The following PUS1 variants were observed in gnomAD, a reference collection of about 807,000 sequenced individuals.
The protein encoded by PUS1 is pseudouridylate synthase 1 homolog.
PUS1 carries 25 observed loss-of-function variants against 38.5 expected under a neutral mutation model. The ratio of observed to expected loss-of-function variants is 0.65; its 90% CI spans 0.47 to 0.91. The LOEUF (loss-of-function observed/expected upper bound fraction) is 0.91, where lower values mean the gene tolerates loss of function less well. Among genes scored for constraint, PUS1 ranks in the 40% least tolerant of loss-of-function variants. The probability of loss-of-function intolerance (pLI) is 0.00; values close to 1 mark genes in which losing one functional copy is unlikely to be tolerated. For synonymous variants in PUS1, 282 were observed against 260.4 expected, an observed-to-expected ratio of 1.08 and a Z score of -0.80; for missense variants, 597 against 612.3, an observed-to-expected ratio of 0.97 and a Z score of 0.26.
intron 3 of PUS1, among the ~76,000 whole-genome samples, chr12:131,934,328 G>C (rs933586929): frequency 1.3e-5 from 2 of 152,164 alleles, no homozygotes; most frequent in Non-Finnish European, 2.9e-5. Context: ...GACTCCCTTT[G>C]CCGGTCTGTG....
chr12:131,933,847 G>T (rs1486281269), intron 3 of PUS1, among the ~76,000 whole-genome samples: 1 of 152,188 alleles, frequency 6.6e-6, no homozygotes, highest in Non-Finnish European at 1.5e-5. Flanking sequence ...AGACAGCTGG[G>T]TCCAGGGGAC....
rs1181377855 is a variant in PUS1, at chr12:131,932,557, T to A, written c.441+245T>A. On this transcript the variant is annotated intron_variant, in intron 3 of 5. Transcript: ENST00000376649. ...GGTCTTTGCTTTCTCTTGTGTTGAT[T>A]CTGTTCTCAGGGACACACATTCTTG... is the stretch of plus-strand genomic sequence containing the variant. 15 of 587,512 alleles carry A rather than the reference T, an allele frequency of 2.6e-5. No individual in the cohort carries two copies. In the Admixed American group the frequency reaches 3.8e-4, roughly 15 times the overall value. The allele number at this position is 587,512 out of a possible 1,614,324, so 36.4% of individuals were successfully genotyped here.
intron 3 of PUS1, among the ~76,000 whole-genome samples, chr12:131,933,743 G>C (rs1394266535): frequency 6.6e-6 from 1 of 152,214 alleles, no homozygotes; most frequent in African/African-American, 2.4e-5. Context: ...CCCAGTGTAG[G>C]GTCCAGCCCT....
intron 3 of PUS1, among the ~76,000 whole-genome samples, chr12:131,934,487 T>C (rs1180675974): frequency 1.3e-5 from 2 of 152,222 alleles, no homozygotes; most frequent in Non-Finnish European, 2.9e-5. Context: ...ATGGCCTGAT[T>C]TTTCCTAGGT....
Position 131,931,965 on chromosome 12 carries a change from A to C in PUS1, c.304-210A>C, listed in dbSNP as rs1037116722. On this transcript the variant is annotated intron_variant, in intron 2 of 5. Transcript: ENST00000376649. ...AACCTGTGTTTTGATTCCATTCCAC[A>C]CTACCCACCCCCTAGCATGGAGCAG... 1.2e-5 allele frequency: 8 copies of C among 652,554 alleles called. No homozygotes were observed. The African/African-American group carries it at 1.4e-4, about 12-fold the overall frequency. 40.4% of individuals were successfully genotyped at this position (652,554 alleles called of 1,614,324 possible).
chr12:131,933,572 G>T (rs555129165), intron 3 of PUS1, among the ~76,000 whole-genome samples: 1 of 152,342 alleles, frequency 6.6e-6, no homozygotes, highest in East Asian at 1.9e-4. Context: ...TCCTGTTTGC[G>T]ATTGGTTTTC....
chr12:131,929,631 CGAGAGGTTAGGGGTCG>C lies in PUS1; in HGVS notation c.-90_-75del. On this transcript the variant is annotated 5_prime_UTR_variant, in exon 1 of 6. Transcript: ENST00000376649. The stretch of plus-strand genomic sequence containing the variant: ...GGAACAGGGCTGCAGCGTCAGGGTC[CGAGAGGTTAGGGGTCG>C]GCAGAGGCGGAGCTGGGGCACTGGG... The C allele has an allele frequency of 9.1e-7, 1 of 1,097,628 alleles. No individual in the cohort carries two copies. Among genetic ancestry groups the C allele is most frequent in the Non-Finnish European group, 1.2e-6 (1 of 802,904 alleles). 68.0% of individuals were successfully genotyped at this position (1,097,628 alleles called of 1,614,324 possible).
intron 2 of PUS1, 147 bp downstream of exon 2, chr12:131,930,282 A>C: frequency 2.2e-6 from 1 of 455,646 alleles, no homozygotes; most frequent in Non-Finnish European, 3.7e-6. Flanking sequence ...AGGCCCAAGC[A>C]GCTTTCACTG....
chr12:131,929,866 G>T, intron 1 of PUS1, 41 bp from the exon 2 acceptor site: 1 of 1,021,488 alleles, frequency 9.8e-7, no homozygotes, highest in African/African-American at 1.7e-5. Flanking sequence ...CACCCCGCGC[G>T]GTGCCGAGCG....
intron 3 of PUS1, chr12:131,934,575 T>C (rs914265589): frequency 1.3e-5 from 2 of 152,218 alleles, no homozygotes; most frequent in Non-Finnish European, 2.9e-5. Context: ...TGGTATATAA[T>C]TATATCTATA....
intron 2 of PUS1, among the ~76,000 whole-genome samples, 160 bp downstream of exon 2, chr12:131,930,295 C>G (rs1890543441): frequency 6.6e-6 from 1 of 152,196 alleles, no homozygotes; most frequent in South Asian, 2.1e-4. Flanking sequence ...TTTCACTGCT[C>G]CTGCTGCACG....
intron 2 of PUS1, 187 bp from the exon 3 acceptor site, chr12:131,931,988 C>G (rs1181225493): frequency 7.3e-6 from 5 of 686,720 alleles, no homozygotes; most frequent in Non-Finnish European, 1.3e-5. Context: ...TAGCATGGAG[C>G]AGCCCGGCCC....
Position 131,932,319 on chromosome 12 carries a change from G to A in PUS1, c.441+7G>A, listed in dbSNP as rs2136432516. 1 of 1,613,050 alleles carries A rather than the reference G, an allele frequency of 6.2e-7. No homozygotes were observed. Among genetic ancestry groups the A allele is most frequent in the Non-Finnish European group, 8.5e-7 (1 of 1,179,970 alleles). ...CTGCGCCCGGACAGACAAGGTGGGT[G>A]GTGGCCTTCTCTGCCCCTCCCCCGC... On this transcript the variant is annotated splice_region_variant and intron_variant, in intron 3 of 5. Coordinates refer to ENST00000376649, the MANE Select transcript of PUS1 (RefSeq NM_025215.6).
rs57283875 is a variant in PUS1, at chr12:131,941,245, A to G, written c.545-47A>G. 0.011 allele frequency: 17,078 copies of G among 1,543,782 alleles called. 1,018 individuals are homozygous for G. The African/African-American group carries it at 0.16, about 14-fold the overall frequency. On this transcript the variant is annotated intron_variant, in intron 4 of 5. Transcript: ENST00000376649. This position sits in a 1 kb window ranked among gnomAD's most constrained non-coding sequence, Gnocchi z 4.4. ...TGCTCAGGCTGCTCCCTGGTCATCC[A>G]GGCACTTCTCACCTGCCTTTCTCCT...
rs778146960 is a variant in PUS1, at chr12:131,930,063, G to A, written c.231G>A (p.Arg77=). ...TCAAGAGCGGTGGCGACGAGGAGCG[G>A]CGCGAGAAGCCGCCCAAGCGGAAGA... ...KKLKSGGDEE[R]REKPPKRKIV... is the part of the protein sequence containing the mutation. Residue 77 remains arginine, a synonymous_variant, in exon 2 of 6, where the codon CGG becomes CGA. Transcript: ENST00000376649. 1 of 1,437,874 alleles carries A rather than the reference G, an allele frequency of 7.0e-7. No individual in the cohort carries two copies. The highest frequency in any genetic ancestry group is 9.1e-7 in the Non-Finnish European group (1 of 1,095,738). The allele number at this position is 1,437,874 out of a possible 1,614,324, so 89.1% of individuals were successfully genotyped here.
intron 3 of PUS1, 52 bp from the exon 4 acceptor site, chr12:131,939,121 G>C (rs549816742): frequency 4.4e-6 from 5 of 1,134,406 alleles, no homozygotes; most frequent in Non-Finnish European, 6.5e-6. Context: ...AGAGACCAGC[G>C]TGCGAGGCCC....
chr12:131,941,417 C>G lies in PUS1; in HGVS notation c.670C>G (p.Leu224Val). The change falls in exon 5 of 6, where the codon CTG becomes GTG. Residue 224 changes from leucine to valine, a missense_variant. Coordinates refer to ENST00000376649, the MANE Select transcript of PUS1 (RefSeq NM_025215.6). The surrounding 1 kb of genome is among the most constrained non-coding windows in gnomAD (Gnocchi z 4.4). ...DRDVQDETYR[L>V]SAETLQQVNR... ...GGACGTTCAGGATGAGACCTACCGC[C>G]TGAGCGCCGAGACGCTGCAGCAGGT... The G allele has an allele frequency of 6.2e-7, 1 of 1,614,196 alleles. No individual in the cohort carries two copies.
chr12:131,944,486 C>G lies in PUS1; in HGVS notation c.*900C>G. On this transcript the variant is annotated 3_prime_UTR_variant, in exon 6 of 6. Coordinates refer to ENST00000376649, the MANE Select transcript of PUS1 (RefSeq NM_025215.6). ...CCAAGATTGCGCCACTGCACTCCAG[C>G]CTGGGTGAGAGAGCCAAACTCCGTC... The G allele has an allele frequency of 6.6e-6, 1 of 152,338 alleles. No homozygotes were observed. The highest frequency in any genetic ancestry group is 1.5e-5 in the Non-Finnish European group (1 of 68,176). The allele number at this position is 152,338 out of a possible 1,614,324, so 9.4% of individuals were successfully genotyped here.
intron 3 of PUS1, chr12:131,932,848 C>T (rs1158591302): frequency 8.8e-6 from 4 of 453,302 alleles, no homozygotes; most frequent in Non-Finnish European, 1.8e-5. Flanking sequence ...GTGTATTAGT[C>T]TGTTGTCACA....
Sources: allele counts gnomAD v4.1 joint callset (sites outside exome capture counted in the v4.1 genomes callset), GRCh38; gene constraint gnomAD v4.1.1; non-coding constraint Gnocchi (gnomAD v3.1); transcripts MANE v1.5; gene names NCBI Gene and HGNC (gene_info 2026-07-23, HGNC 2026-07-21).